Variants in HERC3 observed in about 807,000 individuals in gnomAD.
The protein encoded by HERC3 is probable E3 ubiquitin-protein ligase HERC3.
HERC3 carries 58 observed loss-of-function variants against 129.9 expected under a neutral mutation model. The ratio of observed to expected loss-of-function variants is 0.45; its 90% CI spans 0.36 to 0.56. The LOEUF (loss-of-function observed/expected upper bound fraction) is 0.56. HERC3 is among the 20% of genes least tolerant of loss of function. The pLI, the probability that HERC3 is intolerant of heterozygous loss-of-function variation, is 0.00. For missense variants in HERC3, 835 were observed against 1,244.2 expected (o/e 0.67, Z 4.95); for synonymous variants, 430 against 451.0 (o/e 0.95, Z 0.59).
At chr4:88,526,081 A>G in the HERC3 span, among the ~76,000 whole-genome samples, 1 of 152,240 alleles carries the variant, frequency 6.6e-6, no homozygotes, top group South Asian at 2.1e-4. Context: ...TAAATAAAAC[A>G]ATTCAAGTAA....
the HERC3 span, among the ~76,000 whole-genome samples, chr4:88,554,613 A>G: frequency 1.3e-5 from 2 of 152,224 alleles, no homozygotes; most frequent in African/African-American, 4.8e-5. Flanking sequence ...ATAAAGTTTT[A>G]CTAATGGAAG....
chr4:88,655,941 T>G lies in HERC3; in HGVS notation c.975T>G (p.Gly325=). 1 of 1,613,992 alleles carries G rather than the reference T, an allele frequency of 6.2e-7. No homozygotes were observed. The highest frequency in any genetic ancestry group is 8.5e-7 in the Non-Finnish European group (1 of 1,179,930). Residue 325 remains glycine, a synonymous_variant, in exon 9 of 26, where the codon GGT becomes GGG. Coordinates refer to ENST00000402738, the MANE Select transcript of HERC3 (RefSeq NM_014606.3). ...LIYAFGCGAR[G]QLGTGHTCNV... ...ATGCATTTGGTTGTGGAGCAAGAGG[T>G]CAATTAGGAACTGGGCACACTTGTA...
At chr4:88,642,214 ATTT>A (rs1728192194) in intron 3 of HERC3, among the ~76,000 whole-genome samples, 1 of 151,998 alleles carries the variant, frequency 6.6e-6, no homozygotes, top group South Asian at 2.1e-4. Flanking sequence ...GTTATCAAGC[ATTT>A]AGATAAGAAA....
At chr4:88,624,125 T>C (rs1578189576) in intron 3 of HERC3, among the ~76,000 whole-genome samples, 2 of 152,262 alleles carry the variant, frequency 1.3e-5, no homozygotes, top group African/African-American at 2.4e-5. Flanking sequence ...TTTTGTGTTT[T>C]ATTACTGGGT....
At chr4:88,672,682 G>T (rs967871957) in intron 16 of HERC3, among the ~76,000 whole-genome samples, 2 of 152,102 alleles carry the variant, frequency 1.3e-5, no homozygotes, top group African/African-American at 4.8e-5. Context: ...TAATGGCCAT[G>T]GCCTTAGACA....
At chr4:88,591,410 G>A (rs1721701518), upstream of HERC3, among the ~76,000 whole-genome samples, 1 of 152,104 alleles carries the variant, frequency 6.6e-6, no homozygotes, top group Non-Finnish European at 1.5e-5. Flanking sequence ...TTTCTACTTG[G>A]TCAGTCTGTT....
At chr4:88,692,740 C>G (rs932975213) in intron 23 of HERC3, among the ~76,000 whole-genome samples, 3 of 152,160 alleles carry the variant, frequency 2.0e-5, no homozygotes, top group African/African-American at 7.2e-5. Context: ...AGGCATAAGT[C>G]TCTTGTTCAA....
chr4:88,597,913 A>T (rs1298198290), intron 2 of HERC3: 4 of 152,218 alleles, frequency 2.6e-5, no homozygotes, highest in Non-Finnish European at 5.9e-5. Context: ...TTTTGATAAT[A>T]AGGCAAGTCA....
At chr4:88,629,858 A>G (rs924486801) in intron 3 of HERC3, among the ~76,000 whole-genome samples, 2 of 152,206 alleles carry the variant, frequency 1.3e-5, no homozygotes, top group Non-Finnish European at 2.9e-5. Context: ...TTTGTAAAGA[A>G]TTGGAGTGGT....
chr4:88,635,304 G>A (rs948377886), intron 3 of HERC3, among the ~76,000 whole-genome samples: 4 of 151,090 alleles, frequency 2.6e-5, no homozygotes, highest in Admixed American at 6.6e-5. Flanking sequence ...AAAGAGGAAC[G>A]TAAACGACCT....
intron 16 of HERC3, among the ~76,000 whole-genome samples, 196 bp downstream of exon 16, chr4:88,670,448 C>T (rs1731494164): frequency 6.6e-6 from 1 of 152,078 alleles, no homozygotes; most frequent in Admixed American, 6.5e-5. Flanking sequence ...AGTAGTCACC[C>T]AGAATGTTAC....
At chr4:88,684,837 A>G (rs1733222160) in intron 21 of HERC3, 1 of 152,374 alleles carries the variant, frequency 6.6e-6, no homozygotes, top group African/African-American at 2.4e-5. Flanking sequence ...TCAAAAGAAG[A>G]CTTTTTTTCA....
chr4:88,700,136 T>C (rs2149346108), intron 23 of HERC3, among the ~76,000 whole-genome samples: 2 of 152,116 alleles, frequency 1.3e-5, no homozygotes, highest in East Asian at 3.9e-4. Flanking sequence ...ATTTATGTTG[T>C]TGTATATATT....
chr4:88,561,843 T>C, the HERC3 span, among the ~76,000 whole-genome samples: 1 of 152,154 alleles, frequency 6.6e-6, no homozygotes, highest in African/African-American at 2.4e-5. Context: ...TGACAGGATC[T>C]CATTCTTTTT....
the HERC3 span, among the ~76,000 whole-genome samples, chr4:88,569,075 A>G: frequency 9.2e-5 from 14 of 152,172 alleles, no homozygotes; most frequent in African/African-American, 3.4e-4. Flanking sequence ...ACTGCCTTTC[A>G]AAGATATTTA....
At chr4:88,560,005 G>A in the HERC3 span, among the ~76,000 whole-genome samples, 1 of 149,514 alleles carries the variant, frequency 6.7e-6, no homozygotes, top group Non-Finnish European at 1.5e-5. Flanking sequence ...TGTCGCCCAG[G>A]CTGGAGTGCA....
At chr4:88,622,160 C>T (rs1725590617) in intron 3 of HERC3, among the ~76,000 whole-genome samples, 1 of 152,218 alleles carries the variant, frequency 6.6e-6, no homozygotes, top group Non-Finnish European at 1.5e-5. Flanking sequence ...TCCCCTTCAG[C>T]CCTGGACAAC....
At chr4:88,679,464 A>G (rs1015913192) in intron 19 of HERC3, among the ~76,000 whole-genome samples, 1 of 151,924 alleles carries the variant, frequency 6.6e-6, no homozygotes, top group African/African-American at 2.4e-5. Context: ...CTTTAAAAAT[A>G]AAAAGTATTC....
chr4:88,598,658 C>T (rs771967601), intron 2 of HERC3, among the ~76,000 whole-genome samples: 132 of 152,346 alleles, frequency 8.7e-4, no homozygotes, highest in Non-Finnish European at 1.5e-3. Context: ...TGCATTTTCT[C>T]ATTAATCCTC....
Sources: allele counts gnomAD v4.1 joint callset (sites outside exome capture counted in the v4.1 genomes callset), GRCh38; gene constraint gnomAD v4.1.1; transcripts MANE v1.5; gene names NCBI Gene and HGNC (gene_info 2026-07-23, HGNC 2026-07-21).